OTUD7A: variants seen among roughly 807,000 people sequenced by gnomAD.
The protein encoded by OTUD7A is OTU deubiquitinase 7A.
In OTUD7A, 12 loss-of-function variants were observed where a neutral mutation model predicts 65.7. The ratio of observed to expected loss-of-function variants is 0.18; its 90% CI spans 0.12 to 0.30. OTUD7A has a LOEUF of 0.30. OTUD7A is among the 10% of genes least tolerant of loss of function. OTUD7A has a pLI of 1.00. For missense variants in OTUD7A, 1,148 were observed against 1,304.8 expected (o/e 0.88, Z 1.85); for synonymous variants, 641 against 586.3 (o/e 1.09, Z -1.35).
At chr15:31,831,012 C>T (rs1016866103) in intron 1 of OTUD7A, among the ~76,000 whole-genome samples, 2 of 152,214 alleles carry the variant, frequency 1.3e-5, no homozygotes, top group African/African-American at 4.8e-5. Context: ...CCCTCACTTA[C>T]ATGACCATTT....
At chr15:31,867,603 A>T (rs1028560699) in intron 1 of OTUD7A, among the ~76,000 whole-genome samples, 2 of 152,206 alleles carry the variant, frequency 1.3e-5, no homozygotes, top group Non-Finnish European at 1.5e-5. Context: ...GGTGTGCAGG[A>T]GAGGATTTCC....
At chr15:31,731,722 A>G (rs999778429) in intron 1 of OTUD7A, among the ~76,000 whole-genome samples, 4 of 152,178 alleles carry the variant, frequency 2.6e-5, no homozygotes, top group African/African-American at 4.8e-5. Context: ...TGATGTCTCA[A>G]TGTAGGTTCA....
intron 1 of OTUD7A, among the ~76,000 whole-genome samples, chr15:31,681,008 T>C (rs1479262460): frequency 2.0e-5 from 3 of 149,180 alleles, no homozygotes; most frequent in Non-Finnish European, 4.4e-5. Flanking sequence ...AATAAAAATA[T>C]ATGTATCGGT....
chr15:31,664,768 T>G (rs1202991810), intron 1 of OTUD7A, among the ~76,000 whole-genome samples: 1 of 152,244 alleles, frequency 6.6e-6, no homozygotes, highest in Non-Finnish European at 1.5e-5. Context: ...CAATGTTATC[T>G]TCTAGAACTT....
chr15:31,655,435 A>G, intron 2 of OTUD7A, 185 bp from the exon 3 acceptor site: 1 of 437,900 alleles, frequency 2.3e-6, no homozygotes, highest in Non-Finnish European at 4.0e-6. Flanking sequence ...ATATTATAGA[A>G]TGCTAACTAA....
intron 3 of OTUD7A, among the ~76,000 whole-genome samples, chr15:31,617,211 G>A (rs774490610): frequency 5.9e-5 from 9 of 152,238 alleles, no homozygotes; most frequent in African/African-American, 9.6e-5. Context: ...TAACTTGGCC[G>A]GGTGCAGTGG....
At chr15:31,626,275 A>G (rs1890948430) in intron 3 of OTUD7A, among the ~76,000 whole-genome samples, 1 of 152,188 alleles carries the variant, frequency 6.6e-6, no homozygotes, top group African/African-American at 2.4e-5. Flanking sequence ...CGTATCTACA[A>G]CTTACCTTGA....
intron 1 of OTUD7A, chr15:31,768,334 T>C: frequency 3.3e-6 from 2 of 600,782 alleles, no homozygotes; most frequent in Admixed American, 5.9e-5. Context: ...GCTGCGTGGA[T>C]TGGCCTCACA....
intron 1 of OTUD7A, among the ~76,000 whole-genome samples, chr15:31,831,040 C>G (rs1197990821): frequency 6.6e-6 from 1 of 152,166 alleles, no homozygotes; most frequent in Non-Finnish European, 1.5e-5. Context: ...GACAAAGGCA[C>G]CACTATAATT....
At chr15:31,631,921 C>G (rs1250395711) in intron 3 of OTUD7A, among the ~76,000 whole-genome samples, 1 of 152,350 alleles carries the variant, frequency 6.6e-6, no homozygotes, top group East Asian at 1.9e-4. Flanking sequence ...AATTCTTGAG[C>G]CTTGGCTTTC....
chr15:31,502,630 G>A (rs1230772842), intron 9 of OTUD7A, among the ~76,000 whole-genome samples: 1 of 152,228 alleles, frequency 6.6e-6, no homozygotes, highest in African/African-American at 2.4e-5. Flanking sequence ...AGAGGCGACA[G>A]GGTGGGGGTA....
At chr15:31,864,345 C>T (rs1348556747) in intron 1 of OTUD7A, among the ~76,000 whole-genome samples, 1 of 152,194 alleles carries the variant, frequency 6.6e-6, no homozygotes, top group African/African-American at 2.4e-5. Flanking sequence ...AGTTTGTTTT[C>T]ACCCTGCTGA....
intron 1 of OTUD7A, among the ~76,000 whole-genome samples, chr15:31,811,056 G>A (rs1896401142): frequency 6.6e-6 from 1 of 152,210 alleles, no homozygotes; most frequent in Non-Finnish European, 1.5e-5. Context: ...TGGAGCAGGA[G>A]GGGCTGCAGT....
chr15:31,548,763 T>A (rs565772391), intron 5 of OTUD7A, among the ~76,000 whole-genome samples: 1 of 152,156 alleles, frequency 6.6e-6, no homozygotes, highest in African/African-American at 2.4e-5. Context: ...ATGGTTCTGA[T>A]TGTCAAAAGA....
intron 1 of OTUD7A, among the ~76,000 whole-genome samples, chr15:31,796,142 C>CGTGTGCGTGTGT (rs1555418459): frequency 2.7e-5 from 4 of 148,134 alleles, no homozygotes; most frequent in African/African-American, 1.0e-4. Context: ...GTAAGGGGTG[C>CGTGTGCGTGTGT]GTGTGTGTGT....
intron 1 of OTUD7A, among the ~76,000 whole-genome samples, chr15:31,735,489 G>A (rs554993932): frequency 1.3e-5 from 2 of 151,112 alleles, no homozygotes; most frequent in Non-Finnish European, 2.9e-5. Context: ...GATTGAGATT[G>A]CGCCACTGTA....
At chr15:31,688,349 G>T (rs547113830) in intron 1 of OTUD7A, among the ~76,000 whole-genome samples, 188 of 152,318 alleles carry the variant, frequency 1.2e-3, no homozygotes, top group Middle Eastern at 6.8e-3. Context: ...ATGTCTATCT[G>T]AATCTAAGTA....
chr15:31,842,591 C>T (rs1444218805), intron 1 of OTUD7A, among the ~76,000 whole-genome samples: 2 of 151,754 alleles, frequency 1.3e-5, no homozygotes, highest in African/African-American at 4.8e-5. Flanking sequence ...GAGGACACTG[C>T]ACAGGCCAGT....
intron 6 of OTUD7A, among the ~76,000 whole-genome samples, 185 bp from the exon 7 acceptor site, chr15:31,527,493 T>C (rs1004734090): frequency 2.0e-5 from 3 of 152,168 alleles, no homozygotes; most frequent in Admixed American, 6.5e-5. Flanking sequence ...TTAAGGCAAC[T>C]AGGTGAATGA....
Sources: allele counts gnomAD v4.1 joint callset (sites outside exome capture counted in the v4.1 genomes callset), GRCh38; gene constraint gnomAD v4.1.1; transcripts MANE v1.5; gene names NCBI Gene and HGNC (gene_info 2026-07-23, HGNC 2026-07-21).